DNAH7: variants seen among roughly 807,000 people sequenced by gnomAD.
The protein encoded by DNAH7 is dynein axonemal heavy chain 7, also known as axonemal beta dynein heavy chain 7.
DNAH7 carries 397 observed loss-of-function variants against 444.6 expected under a neutral mutation model. The ratio of observed to expected loss-of-function variants is 0.89; its 90% CI spans 0.82 to 0.97. DNAH7 has a LOEUF of 0.97. Ranked by LOEUF, DNAH7 falls within the 50% of genes least tolerant of loss-of-function variation. The pLI, the probability that DNAH7 is intolerant of heterozygous loss-of-function variation, is 0.00. For synonymous variants in DNAH7, 1,636 were observed against 1,624.4 expected, an observed-to-expected ratio of 1.01 and a Z score of -0.17; for missense variants, 4,902 against 4,800.8, an observed-to-expected ratio of 1.02 and a Z score of -0.62.
At position 195,737,965 on chromosome 2, in the gene DNAH7, A is replaced by T. The variant is rs776717085; in HGVS notation, c.12031T>A (p.Trp4011Arg). Residue 4011 changes from tryptophan to arginine, a missense_variant, in exon 65 of 65, where the codon TGG (tryptophan) becomes AGG (arginine). Coordinates refer to ENST00000312428, the MANE Select transcript of DNAH7 (RefSeq NM_018897.3). ...TLPSDQPKEH[W>R]IGRGVALLCQ... ...AACAGTGCTACACCTCGTCCAATCC[A>T]GTGTTCCTTGGGTTGGTCAGAGGGA... 2 of 1,614,130 alleles carry T rather than the reference A, an allele frequency of 1.2e-6. No homozygotes were observed.
At chr2:195,822,760 GT>G (rs1697531734) in intron 49 of DNAH7, among the ~76,000 whole-genome samples, 1 of 152,140 alleles carries the variant, frequency 6.6e-6, no homozygotes, top group South Asian at 2.1e-4. Flanking sequence ...ATGTGCGATA[GT>G]TCCACGTATT....
At chr2:195,965,567 G>A (rs1339426937) in intron 17 of DNAH7, among the ~76,000 whole-genome samples, 1 of 152,090 alleles carries the variant, frequency 6.6e-6, no homozygotes, top group Non-Finnish European at 1.5e-5. Flanking sequence ...ATGTTGGCTA[G>A]AATTTAGCAG....
chr2:195,954,314 C>G (rs537303845), intron 19 of DNAH7, among the ~76,000 whole-genome samples: 109 of 152,204 alleles, frequency 7.2e-4, no homozygotes, highest in Non-Finnish European at 1.3e-3. Flanking sequence ...TGCTGAGAAT[C>G]ATGGTTTCCA....
chr2:195,900,330 A>G lies in DNAH7; in HGVS notation c.4500T>C (p.Tyr1500=). 2 of 1,614,026 alleles carry G rather than the reference A, an allele frequency of 1.2e-6. No homozygotes were observed. The highest frequency in any genetic ancestry group is 8.5e-7 in the Non-Finnish European group (1 of 1,179,932). The change falls in exon 28 of 65, where the codon TAT becomes TAC. Residue 1500 remains tyrosine (Y), a synonymous_variant. Coordinates refer to ENST00000312428, the MANE Select transcript of DNAH7 (RefSeq NM_018897.3). ...EQLSSQHHYD[Y]GMRAVKSVLT... The stretch of plus-strand genomic sequence containing the variant: ...GAACTGACTTCACGGCTCTCATTCC[A>G]TAGTCGTAGTGATGTTGAGATGACA...
At chr2:195,748,390 C>T (rs1251389198) in intron 63 of DNAH7, among the ~76,000 whole-genome samples, 1 of 152,108 alleles carries the variant, frequency 6.6e-6, no homozygotes, top group African/African-American at 2.4e-5. Flanking sequence ...GAATCAATAT[C>T]GTGAAAATGG....
chr2:196,051,638 G>A (rs1346187803), intron 2 of DNAH7, among the ~76,000 whole-genome samples: 2 of 152,044 alleles, frequency 1.3e-5, no homozygotes, highest in Admixed American at 6.6e-5. Flanking sequence ...GTGGTGGTGG[G>A]TGCCTGTAGT....
At chr2:195,849,828 C>A (rs1372065274) in intron 46 of DNAH7, among the ~76,000 whole-genome samples, 1 of 152,096 alleles carries the variant, frequency 6.6e-6, no homozygotes, top group African/African-American at 2.4e-5. Flanking sequence ...GTCTCAAACT[C>A]CTGAGCTCAA....
chr2:195,776,626 A>AT (rs200768398), intron 59 of DNAH7, among the ~76,000 whole-genome samples: 35 of 151,554 alleles, frequency 2.3e-4, no homozygotes, highest in African/African-American at 6.8e-4. Context: ...CAATAAAAAT[A>AT]TTTTTTTTCT....
In DNAH7 at chr2:196,057,768, C is replaced by A. The variant is rs539125648; in HGVS notation, c.78+286G>T. Among the ~76,000 whole-genome samples the A allele has an allele frequency of 1.2e-4, 18 of 152,316 alleles. No individual in the cohort carries two copies. In the South Asian group the frequency reaches 3.7e-3, roughly 32 times the overall value. ...CTGTAGAAGTTATAATAGTTTAACT[C>A]AACCGCATTAAACTCAACATACCTA... On this transcript the variant is annotated intron_variant, in intron 2 of 64. Transcript: ENST00000312428.
intron 58 of DNAH7, among the ~76,000 whole-genome samples, chr2:195,779,189 C>A (rs1695254892): frequency 6.6e-6 from 1 of 152,156 alleles, no homozygotes; most frequent in Admixed American, 6.5e-5. Flanking sequence ...ACTTCTTTTA[C>A]AATTTCATAA....
chr2:196,058,107 C>T lies in DNAH7; in HGVS notation c.25G>A (p.Ala9Thr), dbSNP rs766505254. 6.3e-7 allele frequency: 1 copy of T among 1,583,192 alleles called. No individual in the cohort carries two copies. Among genetic ancestry groups the T allele is most frequent in the Non-Finnish European group, 8.6e-7 (1 of 1,165,410 alleles). Residue 9 changes from alanine to threonine, a missense_variant, in exon 2 of 65, where the codon GCC becomes ACC. Physicochemically the swap from Ala to Thr is moderately conservative, Grantham distance 58. Transcript: ENST00000312428. Reference sequence around the variant, plus strand: ...GGTTTCTTGGATTTTTCTTTGCTGGCCGATTTATCCTGTATGAAAAACATG... The same window carrying T: ...GGTTTCTTGGATTTTTCTTTGCTGGTCGATTTATCCTGTATGAAAAACATG... MSSEQDKS[A>T]SKEKSKKPVR...
At chr2:195,981,361 C>A (rs1692559672) in intron 15 of DNAH7, among the ~76,000 whole-genome samples, 1 of 151,926 alleles carries the variant, frequency 6.6e-6, no homozygotes. Context: ...GAAAGATATT[C>A]CATGTTCATA....
intron 17 of DNAH7, among the ~76,000 whole-genome samples, chr2:195,969,505 A>G (rs10200016): frequency 0.062 from 9,454 of 152,248 alleles, 444 homozygotes; most frequent in African/African-American, 0.14. Context: ...TATTGGGAAC[A>G]AAATTGCTTG....
chr2:195,745,101 C>CT (rs1693312445), intron 63 of DNAH7, among the ~76,000 whole-genome samples: 2 of 152,118 alleles, frequency 1.3e-5, no homozygotes, highest in African/African-American at 4.8e-5. Context: ...AAGTTAAAAA[C>CT]TTTGATAAAA....
Position 196,021,945 on chromosome 2 carries a change from G to A in DNAH7, c.743+2484C>T, listed in dbSNP as rs554844125. On this transcript the variant is annotated intron_variant, in intron 8 of 64. Transcript: ENST00000312428. ...AGTTTGAGACAAGCCTGGCCAACAT[G>A]GTTAAACCCTGTCTCTACTAAAAAT... Among the ~76,000 whole-genome samples the A allele has an allele frequency of 4.6e-5, 7 of 152,206 alleles. No individual in the cohort carries two copies. In the South Asian group the frequency reaches 1.0e-3, roughly 23 times the overall value.
intron 59 of DNAH7, among the ~76,000 whole-genome samples, chr2:195,776,372 G>A (rs1695060758): frequency 6.6e-6 from 1 of 151,864 alleles, no homozygotes; most frequent in Non-Finnish European, 1.5e-5. Context: ...GAACCCAGGA[G>A]ACAGAAGTTG....
chr2:195,820,726 C>T lies in DNAH7; in HGVS notation c.9292-2897G>A, dbSNP rs904446502. 9.9e-5 allele frequency among the ~76,000 whole-genome samples: 15 copies of T among 152,158 alleles called. 1 individual carries two copies. Among genetic ancestry groups the T allele is most frequent in the Admixed American group, 9.8e-4 (15 of 15,282 alleles). On this transcript the variant is annotated intron_variant, in intron 49 of 64. Coordinates refer to ENST00000312428, the MANE Select transcript of DNAH7 (RefSeq NM_018897.3). ...CCTAAATTGTAGCAGCTAAAAAATG[C>T]CATTTTGGCATACCGAAATCTGAGG... is the stretch of plus-strand genomic sequence containing the variant.
chr2:196,029,798 G>C (rs368353055), intron 5 of DNAH7, among the ~76,000 whole-genome samples: 1 of 152,136 alleles, frequency 6.6e-6, no homozygotes, highest in East Asian at 1.9e-4. Flanking sequence ...GAGGAGACAT[G>C]TGGCCTGGGT....
chr2:195,917,043 A>C (rs1687726639), intron 24 of DNAH7, among the ~76,000 whole-genome samples: 2 of 146,376 alleles, frequency 1.4e-5, no homozygotes, highest in South Asian at 2.2e-4. Context: ...CAGAGCTTGC[A>C]GTGAGCCGAG....
Sources: allele counts gnomAD v4.1 joint callset (sites outside exome capture counted in the v4.1 genomes callset), GRCh38; gene constraint gnomAD v4.1.1; transcripts MANE v1.5; gene names NCBI Gene and HGNC (gene_info 2026-07-23, HGNC 2026-07-21).